The following PGCKA1 variants were observed in gnomAD, a reference collection of about 807,000 sequenced individuals.
PGCKA1 encodes the protein PDCD10 and GCKIII kinases associated 1, also known as PDCD10 and GCKIII kinases-associated protein 1.
chr4:37,453,637 G>T, the PGCKA1 span, among the ~76,000 whole-genome samples: 16 of 152,144 alleles, frequency 1.1e-4, no homozygotes, highest in African/African-American at 3.1e-4. Context: ...TCTCTCCAGC[G>T]CAACATTGGA....
chr4:37,521,195 A>T, the PGCKA1 span, among the ~76,000 whole-genome samples: 634 of 152,298 alleles, frequency 4.2e-3, 6 homozygotes, highest in African/African-American at 0.015. Flanking sequence ...GCAGGGACTT[A>T]CAGCTATAAA....
the PGCKA1 span, among the ~76,000 whole-genome samples, chr4:37,534,983 G>A: frequency 6.6e-6 from 1 of 152,144 alleles, no homozygotes; most frequent in East Asian, 1.9e-4. Context: ...GTGCTCTTCC[G>A]CATACTGAGG....
the PGCKA1 span, among the ~76,000 whole-genome samples, chr4:37,511,987 AGCCT>A: frequency 6.6e-6 from 1 of 152,198 alleles, no homozygotes; most frequent in Non-Finnish European, 1.5e-5. Context: ...AGCTGAGTAC[AGCCT>A]GGTTTTGATT....
chr4:37,455,681 A>G, the PGCKA1 span, among the ~76,000 whole-genome samples: 8 of 152,118 alleles, frequency 5.3e-5, no homozygotes, highest in Non-Finnish European at 1.0e-4. Context: ...CCAACTCAAC[A>G]CGTTCCATTA....
At chr4:37,564,347 A>G in the PGCKA1 span, among the ~76,000 whole-genome samples, 2 of 151,946 alleles carry the variant, frequency 1.3e-5, no homozygotes, top group Admixed American at 1.3e-4. Flanking sequence ...GCAAACGGCC[A>G]ACATTTCCTA....
chr4:37,526,224 T>G, the PGCKA1 span, among the ~76,000 whole-genome samples: 1 of 152,228 alleles, frequency 6.6e-6, no homozygotes, highest in Non-Finnish European at 1.5e-5. Context: ...GGCTTCTTAA[T>G]CAGATTATGA....
chr4:37,552,118 G>T, the PGCKA1 span, among the ~76,000 whole-genome samples: 1 of 152,236 alleles, frequency 6.6e-6, no homozygotes, highest in African/African-American at 2.4e-5. Context: ...ACCTGGGCCT[G>T]CCTGGCCTAA....
At chr4:37,480,326 C>G in the PGCKA1 span, among the ~76,000 whole-genome samples, 108 of 152,266 alleles carry the variant, frequency 7.1e-4, no homozygotes, top group African/African-American at 2.6e-3. Flanking sequence ...AACCTCGTCT[C>G]TACTAAAAAT....
chr4:37,533,059 T>TTTGGGGACTTGG, the PGCKA1 span, among the ~76,000 whole-genome samples: 1 of 88,406 alleles, frequency 1.1e-5, no homozygotes. Context: ...ACAAATCATC[T>TTTGGGGACTTGG]GGTATGTAAC....
At chr4:37,502,012 T>A in the PGCKA1 span, among the ~76,000 whole-genome samples, 1 of 152,174 alleles carries the variant, frequency 6.6e-6, no homozygotes, top group Admixed American at 6.5e-5. Flanking sequence ...AGCTCCCATC[T>A]CCTAGACTGC....
At chr4:37,521,740 T>C in the PGCKA1 span, among the ~76,000 whole-genome samples, 1 of 152,206 alleles carries the variant, frequency 6.6e-6, no homozygotes, top group Non-Finnish European at 1.5e-5. Context: ...TATTTCTTTA[T>C]TGATTTTCTG....
At chr4:37,516,768 A>C in the PGCKA1 span, among the ~76,000 whole-genome samples, 28 of 152,234 alleles carry the variant, frequency 1.8e-4, no homozygotes, top group Non-Finnish European at 3.5e-4. Context: ...ATATGTGTTG[A>C]TATACTTAAC....
At chr4:37,489,050 T>C in the PGCKA1 span, among the ~76,000 whole-genome samples, 1 of 152,254 alleles carries the variant, frequency 6.6e-6, no homozygotes, top group South Asian at 2.1e-4. Flanking sequence ...TGAGTATGCA[T>C]GGATTTTGGT....
chr4:37,549,980 T>A, the PGCKA1 span, among the ~76,000 whole-genome samples: 1 of 152,210 alleles, frequency 6.6e-6, no homozygotes, highest in Non-Finnish European at 1.5e-5. Flanking sequence ...TTCCTCAGAC[T>A]GAGGGCTGTT....
the PGCKA1 span, among the ~76,000 whole-genome samples, chr4:37,579,163 T>C: frequency 0.14 from 21,665 of 152,074 alleles, 4,189 homozygotes; most frequent in African/African-American, 0.44. Flanking sequence ...AAAACAAAGA[T>C]TCTAACTTCA....
the PGCKA1 span, among the ~76,000 whole-genome samples, chr4:37,485,521 T>C: frequency 6.6e-6 from 1 of 152,124 alleles, no homozygotes; most frequent in Admixed American, 6.6e-5. Context: ...CCCCTTGACC[T>C]TGACTTCCCA....
the PGCKA1 span, among the ~76,000 whole-genome samples, chr4:37,545,028 G>T: frequency 1.4e-4 from 22 of 151,928 alleles, no homozygotes; most frequent in East Asian, 2.3e-3. Context: ...GCTAATTTTT[G>T]TATTTTCAGT....
chr4:37,530,976 C>T, the PGCKA1 span, among the ~76,000 whole-genome samples: 1 of 152,094 alleles, frequency 6.6e-6, no homozygotes, highest in South Asian at 2.1e-4. Flanking sequence ...CAGAACGAGA[C>T]TCTGTCTCAA....
chr4:37,523,603 G>A, the PGCKA1 span, among the ~76,000 whole-genome samples: 1 of 152,150 alleles, frequency 6.6e-6, no homozygotes, highest in Non-Finnish European at 1.5e-5. Context: ...ATAAACCAGA[G>A]GGAAGGTTAT....
Sources: gnomAD v4.1 joint callset for allele counts (sites outside exome capture counted in the v4.1 genomes callset) on GRCh38, gnomAD v4.1.1 for gene constraint, MANE v1.5 for transcripts, NCBI Gene and HGNC (gene_info 2026-07-23, HGNC 2026-07-21) for gene names.